Variants in GRIK4 observed in about 807,000 individuals in gnomAD.
GRIK4 encodes the protein glutamate receptor ionotropic, kainate 4.
Under a neutral mutation model 104.9 loss-of-function variants are expected in GRIK4, and 40 were observed. That is an observed-to-expected ratio of 0.38 (90% confidence interval 0.30 to 0.50). The LOEUF is 0.50. Ranked by LOEUF, GRIK4 falls within the 20% of genes least tolerant of loss-of-function variation. The pLI, the probability that GRIK4 is intolerant of heterozygous loss-of-function variation, is 0.93. For missense variants in GRIK4, 1,047 were observed against 1,308.1 expected, an observed-to-expected ratio of 0.80 and a Z score of 3.08; for synonymous variants, 485 against 524.9, an observed-to-expected ratio of 0.92 and a Z score of 1.04.
At chr11:120,631,775 G>A (rs936237532) in intron 1 of GRIK4, among the ~76,000 whole-genome samples, 1 of 152,106 alleles carries the variant, frequency 6.6e-6, no homozygotes, top group Non-Finnish European at 1.5e-5. Flanking sequence ...ACCCTTTGAG[G>A]ACAAAGGTCT....
intron 6 of GRIK4, among the ~76,000 whole-genome samples, chr11:120,824,639 T>A (rs773369131): frequency 2.7e-5 from 4 of 147,572 alleles, no homozygotes; most frequent in African/African-American, 7.5e-5. Context: ...AACCTTCATC[T>A]CTCGGGTTCA....
At chr11:120,900,519 T>C (rs1942702688) in intron 12 of GRIK4, among the ~76,000 whole-genome samples, 1 of 138,984 alleles carries the variant, frequency 7.2e-6, no homozygotes, top group African/African-American at 3.0e-5. Flanking sequence ...CAGCAAGGAA[T>C]GTGTGATAGA....
chr11:120,568,458 G>A (rs1591701056), intron 1 of GRIK4, among the ~76,000 whole-genome samples: 1 of 151,786 alleles, frequency 6.6e-6, no homozygotes, highest in Non-Finnish European at 1.5e-5. Flanking sequence ...CATAATCTTG[G>A]CCCACTGCAG....
At chr11:120,985,378 T>A (rs1471960096) in intron 20 of GRIK4, among the ~76,000 whole-genome samples, 1 of 152,170 alleles carries the variant, frequency 6.6e-6, no homozygotes, top group South Asian at 2.1e-4. Context: ...TTGTTTTGGT[T>A]ATCATGAGGA....
At chr11:120,815,623 CA>C in intron 5 of GRIK4, 148 bp downstream of exon 5, 1 of 540,010 alleles carries the variant, frequency 1.9e-6, no homozygotes, top group Non-Finnish European at 3.2e-6. Flanking sequence ...AATACAGAAG[CA>C]GTGGGCTTGC....
intron 19 of GRIK4, among the ~76,000 whole-genome samples, chr11:120,978,353 G>C (rs4323878): frequency 0.37 from 56,891 of 152,072 alleles, 11,119 homozygotes; most frequent in Admixed American, 0.46. Flanking sequence ...TGGAGGAAGT[G>C]ACCTCCGAGC....
chr11:120,767,205 C>G (rs1591886934), intron 3 of GRIK4, among the ~76,000 whole-genome samples: 1 of 152,142 alleles, frequency 6.6e-6, no homozygotes, highest in Non-Finnish European at 1.5e-5. Context: ...CACACCCTTG[C>G]CAACACTTGT....
At chr11:120,897,356 C>T (rs982717683) in intron 11 of GRIK4, among the ~76,000 whole-genome samples, 4 of 151,118 alleles carry the variant, frequency 2.6e-5, no homozygotes, top group South Asian at 2.1e-4. Context: ...ACATCTCGGC[C>T]GGGCGCGGTG....
chr11:120,777,479 TTGAG>T (rs1165012414), intron 3 of GRIK4, among the ~76,000 whole-genome samples: 1 of 152,206 alleles, frequency 6.6e-6, no homozygotes, highest in Admixed American at 6.5e-5. Context: ...TTGGGAAGTA[TTGAG>T]TGAGTGCCCA....
Position 120,616,338 on chromosome 11 carries a change from G to A in GRIK4, c.-158-37347G>A, listed in dbSNP as rs1949113940. 3.9e-5 allele frequency among the ~76,000 whole-genome samples: 6 copies of A among 152,344 alleles called. No homozygotes were observed. The South Asian group carries it at 1.0e-3, about 26-fold the overall frequency. On this transcript the variant is annotated intron_variant, in intron 1 of 20. Coordinates refer to ENST00000527524, the MANE Select transcript of GRIK4 (RefSeq NM_014619.5). Reference sequence around the variant, plus strand: ...AATCCCTTTACTAAGAGATCCGCAGGTGCACCTTAGCTGGAGCTCAGTCAT... The same window carrying A: ...AATCCCTTTACTAAGAGATCCGCAGATGCACCTTAGCTGGAGCTCAGTCAT...
chr11:120,522,217 C>T (rs562792202), intron 1 of GRIK4, among the ~76,000 whole-genome samples: 12 of 152,338 alleles, frequency 7.9e-5, no homozygotes, highest in African/African-American at 2.6e-4. Context: ...GCACCCAGTG[C>T]CTTGCCCGGC....
chr11:120,647,843 C>T (rs2135212363), intron 1 of GRIK4, among the ~76,000 whole-genome samples: 1 of 152,314 alleles, frequency 6.6e-6, no homozygotes, highest in East Asian at 1.9e-4. Context: ...TCCTACTTCT[C>T]CAGGGAGCTT....
rs776137572 is a variant in GRIK4, at chr11:120,905,924, T to TA, written c.1476+433dup. 6.6e-6 allele frequency among the ~76,000 whole-genome samples: 1 copy of TA among 152,192 alleles called. No individual in the cohort carries two copies. Among genetic ancestry groups the TA allele is most frequent in the Non-Finnish European group, 1.5e-5 (1 of 68,032 alleles). On this transcript the variant is annotated intron_variant, in intron 13 of 20. Coordinates refer to ENST00000527524, the MANE Select transcript of GRIK4 (RefSeq NM_014619.5). The surrounding 1 kb of genome is among the most constrained non-coding windows in gnomAD (Gnocchi z 5.1). ...CACTGCCAAGGGAGACGTGGCTAAA[T>TA]AACAGGGCAAAGGGATTGACTGGCA...
At chr11:120,545,329 A>G (rs932360443) in intron 1 of GRIK4, among the ~76,000 whole-genome samples, 7 of 152,172 alleles carry the variant, frequency 4.6e-5, no homozygotes, top group Non-Finnish European at 1.0e-4. Context: ...TTTTCCTAAG[A>G]TACATTTTTT....
rs1486292728 is a variant in GRIK4 at position 120,549,605 on chromosome 11, C to T, written c.-159+37718C>T. On this transcript the variant is annotated intron_variant, in intron 1 of 20. Transcript: ENST00000527524. This position sits in a 1 kb window ranked among gnomAD's most constrained non-coding sequence, Gnocchi z 4.7. Reference sequence around the variant, plus strand: ...GCAGGCACCCCCTCCCGGAGCCTGGCTAGGGCGTGTGCAACAGTAAAACGC... The same window carrying T: ...GCAGGCACCCCCTCCCGGAGCCTGGTTAGGGCGTGTGCAACAGTAAAACGC... Among the ~76,000 whole-genome samples the T allele has an allele frequency of 6.6e-6, 1 of 152,208 alleles. No homozygotes were observed. The highest frequency in any genetic ancestry group is 1.5e-5 in the Non-Finnish European group (1 of 68,038).
At chr11:120,716,214 TA>T (rs1221671083) in intron 3 of GRIK4, among the ~76,000 whole-genome samples, 1 of 129,452 alleles carries the variant, frequency 7.7e-6, no homozygotes, top group African/African-American at 2.9e-5. Flanking sequence ...TCTGTAGTTA[TA>T]AAGCTCATTC....
chr11:120,969,500 G>T (rs1944439195), intron 19 of GRIK4, among the ~76,000 whole-genome samples: 2 of 152,166 alleles, frequency 1.3e-5, no homozygotes, highest in Middle Eastern at 3.2e-3. Flanking sequence ...CGCATTTGGG[G>T]AGTTGGGTTG....
chr11:120,880,777 A>G (rs1220852060), intron 11 of GRIK4, among the ~76,000 whole-genome samples: 1 of 152,242 alleles, frequency 6.6e-6, no homozygotes, highest in African/African-American at 2.4e-5. Context: ...CATAATAGGA[A>G]TAGTCTGCTT....
chr11:120,745,092 C>G (rs948030), intron 3 of GRIK4, among the ~76,000 whole-genome samples: 115,039 of 152,092 alleles, frequency 0.76, 43,783 homozygotes, highest in Middle Eastern at 0.85. Context: ...GACCGTCCCA[C>G]CTCATCCTTG....
Sources: allele counts gnomAD v4.1 joint callset (sites outside exome capture counted in the v4.1 genomes callset), GRCh38; gene constraint gnomAD v4.1.1; non-coding constraint Gnocchi (gnomAD v3.1); transcripts MANE v1.5; gene names NCBI Gene and HGNC (gene_info 2026-07-23, HGNC 2026-07-21).